TRIP4: variants seen among roughly 807,000 people sequenced by gnomAD.
TRIP4 encodes thyroid hormone receptor interactor 4.
TRIP4 carries 54 observed loss-of-function variants against 81.8 expected under a neutral mutation model. The observed-to-expected ratio is 0.66, with a 90% confidence interval of 0.53 to 0.83. TRIP4 has a LOEUF of 0.83. Among genes scored for constraint, TRIP4 ranks in the 40% least tolerant of loss-of-function variants. The pLI is 0.00. For synonymous variants in TRIP4, 270 were observed against 242.8 expected (o/e 1.11, Z -1.04); for missense variants, 662 against 683.6 (o/e 0.97, Z 0.35).
At chr15:64,409,397 G>A (rs1291033972) in intron 6 of TRIP4, among the ~76,000 whole-genome samples, 1 of 152,148 alleles carries the variant, frequency 6.6e-6, no homozygotes, top group East Asian at 1.9e-4. Context: ...TAATATGAAA[G>A]GTAGAAGGAA....
chr15:64,401,809 A>C (rs149575356), intron 5 of TRIP4, among the ~76,000 whole-genome samples: 1 of 152,220 alleles, frequency 6.6e-6, no homozygotes, highest in South Asian at 2.1e-4. Flanking sequence ...CAATTAGAAC[A>C]CTACAGTAGT....
At chr15:64,392,171 G>A (rs1457742712) in intron 1 of TRIP4, among the ~76,000 whole-genome samples, 3 of 151,456 alleles carry the variant, frequency 2.0e-5, no homozygotes, top group Non-Finnish European at 4.4e-5. Flanking sequence ...GGTTGTGCAC[G>A]CCTGTAATCC....
chr15:64,419,267 G>C (rs1352701349), intron 9 of TRIP4, among the ~76,000 whole-genome samples: 1 of 152,164 alleles, frequency 6.6e-6, no homozygotes, highest in East Asian at 1.9e-4. Flanking sequence ...ATTGAGATAA[G>C]TAGAGGTATT....
intron 10 of TRIP4, 170 bp downstream of exon 10, chr15:64,424,325 A>G (rs1566979659): frequency 4.6e-5 from 41 of 882,558 alleles, no homozygotes; most frequent in Non-Finnish European, 6.7e-5. Context: ...TCAAAGCATT[A>G]ATCTGTCAAA....
intron 11 of TRIP4, among the ~76,000 whole-genome samples, chr15:64,426,329 T>C (rs1892143670): frequency 6.6e-6 from 1 of 152,098 alleles, no homozygotes; most frequent in Non-Finnish European, 1.5e-5. Context: ...AGGAGGTATG[T>C]GTATTTATGT....
intron 1 of TRIP4, among the ~76,000 whole-genome samples, chr15:64,388,226 A>G (rs1487924632): frequency 6.6e-6 from 1 of 152,190 alleles, no homozygotes; most frequent in Non-Finnish European, 1.5e-5. Flanking sequence ...AGGCTGTCCC[A>G]GGAGCCAGTT....
intron 11 of TRIP4, among the ~76,000 whole-genome samples, chr15:64,430,703 C>G (rs1437837255): frequency 2.0e-5 from 3 of 152,160 alleles, no homozygotes; most frequent in African/African-American, 7.2e-5. Flanking sequence ...TCTCCAAGGT[C>G]ATTGATTATT....
chr15:64,387,871 T>C lies in TRIP4; in HGVS notation c.8T>C (p.Val3Ala), dbSNP rs1206132747. 6 of 1,546,234 alleles carry C rather than the reference T, an allele frequency of 3.9e-6. No individual in the cohort carries two copies. The highest frequency in any genetic ancestry group is 5.2e-6 in the Non-Finnish European group (6 of 1,146,618). Residue 3 changes from valine to alanine, a missense_variant, in exon 1 of 13, where the codon GTG (valine) becomes GCG (alanine). By Grantham distance (64) the Val-to-Ala change is moderately conservative. Transcript: ENST00000261884. Reference protein sequence around the residue: MAVAGAVSGEPLV... With the variant: MAAAGAVSGEPLV... ...TGGTTCCGGCTGGGGAAGATGGCGG[T>C]GGCTGGGGCGGTGTCCGGGGAGCCG...
chr15:64,395,381 T>G lies in TRIP4; in HGVS notation c.272-17T>G. ...CAATCTGTGTGTGTGTGTATTTTTT[T>G]TTTTCTATCTTTAAAGAAATTTTAG... On this transcript the variant is annotated splice_polypyrimidine_tract_variant and intron_variant, in intron 2 of 12. Transcript: ENST00000261884. 1 of 1,596,114 alleles carries G rather than the reference T, an allele frequency of 6.3e-7. No homozygotes were observed. The highest frequency in any genetic ancestry group is 8.5e-7 in the Non-Finnish European group (1 of 1,174,114).
chr15:64,409,488 T>A (rs1483140385), intron 6 of TRIP4, 125 bp from the exon 7 acceptor site: 4 of 820,980 alleles, frequency 4.9e-6, no homozygotes, highest in Non-Finnish European at 7.8e-6. Context: ...AGATAAAACA[T>A]ATGCAGAGCT....
In TRIP4 at chr15:64,421,153, G is replaced by T. The variant is rs1052732137; in HGVS notation, c.1358+2425G>T. The stretch of plus-strand genomic sequence containing the variant: ...AAAAATTAGCCAGGCGTGGTGGTGT[G>T]TGCCTGTAATCCCAGCTACTCAAGA... On this transcript the variant is annotated intron_variant, in intron 9 of 12. Coordinates refer to ENST00000261884, the MANE Select transcript of TRIP4 (RefSeq NM_016213.5). Among the ~76,000 whole-genome samples the T allele has an allele frequency of 1.1e-3, 163 of 150,836 alleles. 1 individual carries two copies. The highest frequency in any genetic ancestry group is 6.9e-4 in the Non-Finnish European group (47 of 67,758).
At chr15:64,420,569 G>A (rs1482795590) in intron 9 of TRIP4, among the ~76,000 whole-genome samples, 1 of 148,164 alleles carries the variant, frequency 6.7e-6, no homozygotes, top group African/African-American at 2.5e-5. Context: ...TGTCGCCCTA[G>A]CTGGAGTGCA....
At position 64,418,644 on chromosome 15, in the gene TRIP4, A is replaced by C. The variant is rs1344634552; in HGVS notation, c.1274A>C (p.Gln425Pro). The C allele has an allele frequency of 2.5e-6, 4 of 1,613,936 alleles. No individual in the cohort carries two copies. The African/African-American group carries it at 5.3e-5, about 22-fold the overall frequency. ...CAGCACCAGTTGCGAATCCAGGATC[A>C]AGAATTTCAGGAAGGCTTTGATGGT... ...SFQHQLRIQDQEFQEGFDGGW... is the reference protein window; with the variant it reads ...SFQHQLRIQDPEFQEGFDGGW... Residue 425 changes from glutamine to proline, a missense_variant, in exon 9 of 13, where the codon CAA becomes CCA. Gln to Pro is a moderately conservative substitution (Grantham distance 76, BLOSUM62 -1). Coordinates refer to ENST00000261884, the MANE Select transcript of TRIP4 (RefSeq NM_016213.5).
At chr15:64,397,496 G>T in intron 3 of TRIP4, 110 bp from the exon 4 acceptor site, 3 of 1,031,170 alleles carry the variant, frequency 2.9e-6, no homozygotes, top group Non-Finnish European at 2.8e-6. Flanking sequence ...TTCTTTCTTG[G>T]TTCTTGGATA....
At chr15:64,402,055 A>G (rs1197424066) in intron 5 of TRIP4, among the ~76,000 whole-genome samples, 1 of 152,180 alleles carries the variant, frequency 6.6e-6, no homozygotes, top group Non-Finnish European at 1.5e-5. Context: ...TGTCTATAGT[A>G]TTATACCAAT....
chr15:64,407,469 C>T (rs957603782), intron 6 of TRIP4, among the ~76,000 whole-genome samples: 5 of 151,590 alleles, frequency 3.3e-5, no homozygotes, highest in African/African-American at 1.2e-4. Flanking sequence ...AGATCCAGAC[C>T]ATCCTGGCTA....
intron 1 of TRIP4, among the ~76,000 whole-genome samples, chr15:64,392,197 C>T (rs2140547005): frequency 6.6e-6 from 1 of 151,992 alleles, no homozygotes; most frequent in Non-Finnish European, 1.5e-5. Context: ...ACTCAGGAGG[C>T]TGAGGTAGGA....
At chr15:64,415,486 G>C (rs1021660209) in intron 8 of TRIP4, among the ~76,000 whole-genome samples, 1 of 152,158 alleles carries the variant, frequency 6.6e-6, no homozygotes, top group Non-Finnish European at 1.5e-5. Flanking sequence ...CCCTCTGAAG[G>C]CTTTACAGGA....
At chr15:64,392,860 C>T (rs1900175284) in intron 1 of TRIP4, among the ~76,000 whole-genome samples, 1 of 152,042 alleles carries the variant, frequency 6.6e-6, no homozygotes. Flanking sequence ...AGTGATCCTC[C>T]AGCTTCAGCC....
Sources: allele counts gnomAD v4.1 joint callset (sites outside exome capture counted in the v4.1 genomes callset), GRCh38; gene constraint gnomAD v4.1.1; transcripts MANE v1.5; gene names NCBI Gene and HGNC (gene_info 2026-07-23, HGNC 2026-07-21).